Variants in AGBL4 observed in about 807,000 individuals in gnomAD.
AGBL4 encodes the protein cytosolic carboxypeptidase 6.
AGBL4 carries 58 observed loss-of-function variants against 66.4 expected under a neutral mutation model. That is an observed-to-expected ratio of 0.87 (90% CI 0.71 to 1.09). AGBL4 has a LOEUF of 1.09. AGBL4 is among the 50% of genes least tolerant of loss of function. The pLI, the probability that AGBL4 is intolerant of heterozygous loss-of-function variation, is 0.00. For missense variants in AGBL4, 579 were observed against 631.0 expected, an observed-to-expected ratio of 0.92 and a Z score of 0.88; for synonymous variants, 234 against 222.9, an observed-to-expected ratio of 1.05 and a Z score of -0.44.
At chr1:49,757,074 G>A (rs1199827267) in intron 2 of AGBL4, among the ~76,000 whole-genome samples, 2 of 152,068 alleles carry the variant, frequency 1.3e-5, no homozygotes, top group Admixed American at 6.5e-5. Flanking sequence ...GATCATGGGG[G>A]CAGTTCCCTC....
At chr1:49,101,201 T>A (rs565393201) in intron 4 of AGBL4, among the ~76,000 whole-genome samples, 2 of 151,962 alleles carry the variant, frequency 1.3e-5, no homozygotes, top group East Asian at 1.9e-4. Flanking sequence ...TTTTTTTTTT[T>A]AATTGAGACA....
intron 4 of AGBL4, among the ~76,000 whole-genome samples, chr1:49,087,504 G>A (rs928990645): frequency 5.9e-5 from 9 of 152,074 alleles, no homozygotes; most frequent in Non-Finnish European, 1.2e-4. Context: ...TCAAAGACTG[G>A]CTCTCCAAAA....
chr1:48,954,209 C>CGGTT, intron 5 of AGBL4, among the ~76,000 whole-genome samples: 1 of 152,270 alleles, frequency 6.6e-6, no homozygotes, highest in South Asian at 2.1e-4. Flanking sequence ...ACTTGAAAAC[C>CGGTT]GGTCAAGAAC....
chr1:49,389,848 A>G (rs1200163897), intron 3 of AGBL4, among the ~76,000 whole-genome samples: 1 of 152,178 alleles, frequency 6.6e-6, no homozygotes, highest in Non-Finnish European at 1.5e-5. Flanking sequence ...AAAGTGAATT[A>G]TGTCATTTTT....
intron 3 of AGBL4, among the ~76,000 whole-genome samples, chr1:49,347,831 G>T (rs1645666495): frequency 6.6e-6 from 1 of 151,818 alleles, no homozygotes; most frequent in Admixed American, 6.6e-5. Flanking sequence ...CTCTACTCCA[G>T]CCTGGCGACA....
intron 4 of AGBL4, among the ~76,000 whole-genome samples, chr1:49,229,610 GA>G (rs1320785633): frequency 6.6e-6 from 1 of 152,074 alleles, no homozygotes; most frequent in East Asian, 1.9e-4. Flanking sequence ...CTTCTGATCA[GA>G]AAAAAACATT....
At chr1:49,282,240 CT>C (rs1644289663) in intron 3 of AGBL4, among the ~76,000 whole-genome samples, 1 of 152,054 alleles carries the variant, frequency 6.6e-6, no homozygotes. Context: ...TTTTGTATGT[CT>C]TACAGGAAGA....
At chr1:48,826,010 T>C (rs1646420068) in intron 6 of AGBL4, among the ~76,000 whole-genome samples, 2 of 152,176 alleles carry the variant, frequency 1.3e-5, no homozygotes, top group Admixed American at 1.3e-4. Flanking sequence ...TCAGAGCCCT[T>C]CTACCTTCAC....
chr1:48,539,625 T>C lies in AGBL4; in HGVS notation c.1364+17A>G. The C allele has an allele frequency of 1.3e-6, 2 of 1,522,422 alleles. No individual in the cohort carries two copies. Among genetic ancestry groups the C allele is most frequent in the Non-Finnish European group, 1.8e-6 (2 of 1,128,940 alleles). 94.3% of individuals were successfully genotyped at this position (1,522,422 alleles called of 1,614,324 possible). On this transcript the variant is annotated intron_variant, in intron 12 of 13. Coordinates refer to ENST00000371839, the MANE Select transcript of AGBL4 (RefSeq NM_032785.4). ...GGAGCAGAACTCAAGCCGAAACCTC[T>C]CTGCTCTGCCACTTACCGCAGTCTC...
chr1:48,962,780 C>T (rs1055082033), intron 5 of AGBL4, among the ~76,000 whole-genome samples: 1 of 152,176 alleles, frequency 6.6e-6, no homozygotes, highest in Non-Finnish European at 1.5e-5. Context: ...AACATCAGAA[C>T]ATCCATTTCT....
At chr1:49,945,904 G>A (rs970332511) in intron 1 of AGBL4, among the ~76,000 whole-genome samples, 2 of 151,952 alleles carry the variant, frequency 1.3e-5, no homozygotes, top group African/African-American at 4.8e-5. Context: ...GTGAGCAAGA[G>A]CATCTATTCT....
At chr1:49,834,793 A>T (rs1280053722) in intron 2 of AGBL4, among the ~76,000 whole-genome samples, 1 of 152,128 alleles carries the variant, frequency 6.6e-6, no homozygotes, top group Non-Finnish European at 1.5e-5. Context: ...ATTGGTTTCA[A>T]AGAACTTATT....
chr1:48,795,755 C>T (rs187717577), intron 6 of AGBL4, among the ~76,000 whole-genome samples: 4 of 152,298 alleles, frequency 2.6e-5, no homozygotes, highest in African/African-American at 7.2e-5. Flanking sequence ...TGGGTTCAAG[C>T]GATTCTCCTG....
intron 3 of AGBL4, among the ~76,000 whole-genome samples, chr1:49,349,757 G>A (rs773202703): frequency 4.6e-5 from 7 of 152,102 alleles, no homozygotes; most frequent in Admixed American, 3.3e-4. Flanking sequence ...ATCTCAGAAC[G>A]TGGCTATATT....
At chr1:48,556,779 C>T (rs1204769438) in intron 11 of AGBL4, among the ~76,000 whole-genome samples, 2 of 152,050 alleles carry the variant, frequency 1.3e-5, no homozygotes, top group African/African-American at 2.4e-5. Flanking sequence ...ATACCTATTT[C>T]TTTTTTGTTT....
In AGBL4 at chr1:49,476,673, T is replaced by C. The variant is rs371118470; in HGVS notation, c.282+220640A>G. On this transcript the variant is annotated intron_variant, in intron 3 of 13. Coordinates refer to ENST00000371839, the MANE Select transcript of AGBL4 (RefSeq NM_032785.4). ...ATTATATAATGCCCTTCTTGGTCCT[T>C]TTTCTTATTGTTTCTGACTTAAAGA... Among the ~76,000 whole-genome samples the C allele has an allele frequency of 1.6e-3, 240 of 152,222 alleles. 2 individuals are homozygous for C. Among genetic ancestry groups the C allele is most frequent in the African/African-American group, 4.9e-3 (204 of 41,574 alleles).
chr1:49,486,047 C>A (rs551632457), intron 3 of AGBL4, among the ~76,000 whole-genome samples: 2 of 152,000 alleles, frequency 1.3e-5, no homozygotes, highest in African/African-American at 4.8e-5. Context: ...TGTGAAGATG[C>A]TATTAGAGAT....
At chr1:49,879,235 G>C (rs755963229) in intron 1 of AGBL4, among the ~76,000 whole-genome samples, 22 of 147,154 alleles carry the variant, frequency 1.5e-4, no homozygotes, top group East Asian at 4.1e-4. Context: ...CTCATTAGTT[G>C]ATGCAGTTTC....
intron 1 of AGBL4, among the ~76,000 whole-genome samples, chr1:49,870,410 T>C (rs1283182334): frequency 6.6e-6 from 1 of 151,926 alleles, no homozygotes; most frequent in East Asian, 1.9e-4. Flanking sequence ...TATCACTTAA[T>C]TGTACATTTT....
Sources: allele counts gnomAD v4.1 joint callset (sites outside exome capture counted in the v4.1 genomes callset), GRCh38; gene constraint gnomAD v4.1.1; transcripts MANE v1.5; gene names NCBI Gene and HGNC (gene_info 2026-07-23, HGNC 2026-07-21).